XKR6: variants seen among roughly 807,000 people sequenced by gnomAD.
The protein encoded by XKR6 is XK related 6, also known as XK-related protein 6.
Under a neutral mutation model 56.7 loss-of-function variants are expected in XKR6, and 22 were observed. The ratio of observed to expected loss-of-function variants is 0.39; its 90% CI spans 0.28 to 0.55. The LOEUF is 0.55. XKR6 is among the 20% of genes least tolerant of loss of function. XKR6 has a pLI of 0.66. For synonymous variants in XKR6, 524 were observed against 387.8 expected, an observed-to-expected ratio of 1.35 and a Z score of -4.13; for missense variants, 852 against 889.0, an observed-to-expected ratio of 0.96 and a Z score of 0.53.
At chr8:11,014,686 C>G (rs938299227) in intron 1 of XKR6, among the ~76,000 whole-genome samples, 1 of 152,164 alleles carries the variant, frequency 6.6e-6, no homozygotes, top group Non-Finnish European at 1.5e-5. Context: ...TGGGGCAAAG[C>G]CTTTGCCTCA....
At chr8:11,134,909 A>G (rs1800303398) in intron 1 of XKR6, among the ~76,000 whole-genome samples, 1 of 152,164 alleles carries the variant, frequency 6.6e-6, no homozygotes. Context: ...TCATAGGATG[A>G]CATTTAATAA....
At chr8:10,958,175 A>G (rs1265893398) in intron 1 of XKR6, among the ~76,000 whole-genome samples, 4 of 152,312 alleles carry the variant, frequency 2.6e-5, no homozygotes, top group African/African-American at 7.2e-5. Flanking sequence ...ATAGTCTTCA[A>G]ATGGACTCTG....
intron 1 of XKR6, among the ~76,000 whole-genome samples, chr8:11,020,149 G>A (rs961582615): frequency 6.6e-6 from 1 of 152,004 alleles, no homozygotes; most frequent in African/African-American, 2.4e-5. Flanking sequence ...CGTGGAGCAT[G>A]GGGACTTACA....
intron 1 of XKR6, among the ~76,000 whole-genome samples, chr8:11,051,781 G>A (rs867115058): frequency 6.6e-6 from 1 of 152,064 alleles, no homozygotes; most frequent in South Asian, 2.1e-4. Flanking sequence ...AGTGCTGAAA[G>A]CCCTCCAATA....
chr8:11,074,316 C>T (rs1364687536), intron 1 of XKR6, among the ~76,000 whole-genome samples: 2 of 152,110 alleles, frequency 1.3e-5, no homozygotes, highest in African/African-American at 4.8e-5. Flanking sequence ...TAGGAGCCCC[C>T]ACATGGCCCC....
intron 1 of XKR6, among the ~76,000 whole-genome samples, chr8:10,993,312 C>A (rs190370332): frequency 6.1e-4 from 93 of 152,326 alleles, no homozygotes; most frequent in African/African-American, 2.1e-3. Context: ...GCCCTGCAGT[C>A]AGGAAGCCAA....
At chr8:11,103,292 T>C (rs1798553355) in intron 1 of XKR6, among the ~76,000 whole-genome samples, 1 of 152,160 alleles carries the variant, frequency 6.6e-6, no homozygotes, top group African/African-American at 2.4e-5. Flanking sequence ...TGAAAAGCAA[T>C]GCTCCAACAC....
At chr8:11,135,545 C>T (rs1480450963) in intron 1 of XKR6, among the ~76,000 whole-genome samples, 2 of 152,052 alleles carry the variant, frequency 1.3e-5, no homozygotes, top group African/African-American at 2.4e-5. Context: ...GATCTATTAT[C>T]GGTCATTTAG....
intron 2 of XKR6, among the ~76,000 whole-genome samples, chr8:10,919,568 G>A (rs956384177): frequency 6.6e-6 from 1 of 152,192 alleles, no homozygotes; most frequent in African/African-American, 2.4e-5. Flanking sequence ...CTGTGGAGGT[G>A]CATGTGGAGC....
At chr8:10,901,858 T>C (rs564249642) in intron 2 of XKR6, among the ~76,000 whole-genome samples, 1 of 152,284 alleles carries the variant, frequency 6.6e-6, no homozygotes, top group African/African-American at 2.4e-5. Context: ...GACTTCGCTG[T>C]TCTGATTTTG....
At chr8:10,913,721 C>T (rs1367775691) in intron 2 of XKR6, among the ~76,000 whole-genome samples, 1 of 152,204 alleles carries the variant, frequency 6.6e-6, no homozygotes, top group Non-Finnish European at 1.5e-5. Flanking sequence ...TTGGCCCCCA[C>T]TAGGGACTTC....
chr8:11,053,007 C>G (rs1487660848), intron 1 of XKR6, among the ~76,000 whole-genome samples: 1 of 152,184 alleles, frequency 6.6e-6, no homozygotes, highest in Non-Finnish European at 1.5e-5. Context: ...CCAGAGAGCA[C>G]TGCGCGGGGT....
chr8:11,092,411 A>G (rs1798102331), intron 1 of XKR6, among the ~76,000 whole-genome samples: 1 of 152,194 alleles, frequency 6.6e-6, no homozygotes, highest in South Asian at 2.1e-4. Flanking sequence ...GCAACCCATT[A>G]TATGGAGTTT....
chr8:11,188,903 C>T (rs1389357112), intron 1 of XKR6, among the ~76,000 whole-genome samples: 2 of 152,154 alleles, frequency 1.3e-5, no homozygotes, highest in African/African-American at 2.4e-5. Flanking sequence ...ATGTACATTT[C>T]TAGGTGGAGT....
At chr8:10,949,411 A>T (rs550515478) in intron 1 of XKR6, among the ~76,000 whole-genome samples, 1 of 152,108 alleles carries the variant, frequency 6.6e-6, no homozygotes, top group South Asian at 2.1e-4. Flanking sequence ...CCCCTTAAAG[A>T]CTTGGGCAGG....
chr8:11,142,110 T>G (rs1411318911), intron 1 of XKR6, among the ~76,000 whole-genome samples: 2 of 152,172 alleles, frequency 1.3e-5, no homozygotes, highest in African/African-American at 4.8e-5. Flanking sequence ...CAAGATGTTT[T>G]ATTTTTATAC....
At chr8:11,063,059 G>A (rs570769429) in intron 1 of XKR6, 4 of 344,280 alleles carry the variant, frequency 1.2e-5, no homozygotes, top group Non-Finnish European at 2.3e-5. Context: ...TATGGACAAG[G>A]AATAAATTTA....
chr8:11,080,413 A>T (rs750889949), intron 1 of XKR6, among the ~76,000 whole-genome samples: 1 of 152,212 alleles, frequency 6.6e-6, no homozygotes, highest in East Asian at 1.9e-4. Context: ...GTCAAAAGAG[A>T]TATCTTCTGC....
intron 1 of XKR6, among the ~76,000 whole-genome samples, chr8:11,094,622 T>C (rs1004953589): frequency 6.6e-6 from 1 of 152,132 alleles, no homozygotes; most frequent in African/African-American, 2.4e-5. Flanking sequence ...TCCACTGCAG[T>C]GCACAGACTG....
Sources: gnomAD v4.1 joint callset for allele counts (sites outside exome capture counted in the v4.1 genomes callset) on GRCh38, gnomAD v4.1.1 for gene constraint, MANE v1.5 for transcripts, NCBI Gene and HGNC (gene_info 2026-07-23, HGNC 2026-07-21) for gene names.